Variants in AAGAB observed in about 807,000 individuals in gnomAD.
AAGAB encodes the protein alpha and gamma adaptin binding protein.
A neutral mutation model predicts 44.1 loss-of-function variants in AAGAB; 38 were observed. That is an observed-to-expected ratio of 0.86 (90% CI 0.67 to 1.13). The LOEUF is 1.13. Among genes scored for constraint, AAGAB ranks in the 50% most tolerant of loss-of-function variants. The pLI, the probability that AAGAB is intolerant of heterozygous loss-of-function variation, is 0.00. For missense variants in AAGAB, 450 were observed against 373.8 expected, an observed-to-expected ratio of 1.20 and a Z score of -1.68; for synonymous variants, 131 against 131.8, an observed-to-expected ratio of 0.99 and a Z score of 0.04.
chr15:67,215,701 ACT>A (rs1259135958), intron 5 of AAGAB, among the ~76,000 whole-genome samples: 6 of 152,210 alleles, frequency 3.9e-5, no homozygotes, highest in African/African-American at 7.2e-5. Context: ...ATCAAACCAC[ACT>A]GTTTGAATAA....
intron 4 of AAGAB, among the ~76,000 whole-genome samples, chr15:67,234,649 T>G (rs1212084761): frequency 6.6e-6 from 1 of 152,180 alleles, no homozygotes; most frequent in Non-Finnish European, 1.5e-5. Flanking sequence ...AAGAACATTA[T>G]TCAGACAAAG....
intron 5 of AAGAB, among the ~76,000 whole-genome samples, chr15:67,222,242 G>GCGCGCGCGCGCGCACACACACA (rs1367738219): frequency 8.9e-5 from 8 of 90,042 alleles, no homozygotes; most frequent in African/African-American, 3.0e-4. Context: ...GCGCGCGCGC[G>GCGCGCGCGCGCGCACACACACA]CACACACACA....
intron 5 of AAGAB, among the ~76,000 whole-genome samples, chr15:67,210,244 C>A (rs990084922): frequency 1.3e-5 from 2 of 152,130 alleles, no homozygotes; most frequent in African/African-American, 2.4e-5. Flanking sequence ...GGGCTGGGAG[C>A]GGTGGCTCAC....
intron 1 of AAGAB, among the ~76,000 whole-genome samples, chr15:67,248,150 T>C (rs750929658): frequency 2.6e-5 from 4 of 152,236 alleles, no homozygotes; most frequent in African/African-American, 7.2e-5. Flanking sequence ...CCTCTTTAGA[T>C]TGATGACAAC....
chr15:67,222,237 C>T lies in AAGAB; in HGVS notation c.535+9577G>A, dbSNP rs530612039. ...CTACATGCATGCACGCGCACGCGCG[C>T]GCGCGCACACACACACACACACACA... On this transcript the variant is annotated intron_variant, in intron 5 of 9. Coordinates refer to ENST00000261880, the MANE Select transcript of AAGAB (RefSeq NM_024666.5). Among the ~76,000 whole-genome samples, 320 of 71,516 alleles carry T rather than the reference C, an allele frequency of 4.5e-3. 1 individual carries two copies. The highest frequency in any genetic ancestry group is 0.014 in the African/African-American group (218 of 15,182). 46.9% of individuals were successfully genotyped at this position (71,516 alleles called of 152,430 possible). A position where few individuals can be genotyped will look rare whatever the true frequency, so the allele number is the denominator to read the frequency against.
chr15:67,253,623 G>A (rs969216842), intron 1 of AAGAB, among the ~76,000 whole-genome samples: 1 of 151,570 alleles, frequency 6.6e-6, no homozygotes, highest in African/African-American at 2.4e-5. Flanking sequence ...GGTTCGTGGT[G>A]TGAGCCTGCA....
At chr15:67,229,304 G>A (rs773564190) in intron 5 of AAGAB, among the ~76,000 whole-genome samples, 4 of 151,874 alleles carry the variant, frequency 2.6e-5, no homozygotes, top group African/African-American at 4.8e-5. Flanking sequence ...GTGGTGGTGC[G>A]CGCCTGTAAT....
intron 5 of AAGAB, among the ~76,000 whole-genome samples, chr15:67,211,651 A>G (rs1049115556): frequency 6.6e-6 from 1 of 152,206 alleles, no homozygotes. Flanking sequence ...TCTGAGTAAT[A>G]AACTACTTCT....
chr15:67,247,380 G>C (rs1229225809), intron 1 of AAGAB, among the ~76,000 whole-genome samples: 1 of 152,224 alleles, frequency 6.6e-6, no homozygotes, highest in Non-Finnish European at 1.5e-5. Context: ...TATTCCTAAA[G>C]AGAAAAGGCA....
intron 5 of AAGAB, among the ~76,000 whole-genome samples, chr15:67,228,340 T>C (rs1964252331): frequency 6.6e-6 from 1 of 152,226 alleles, no homozygotes; most frequent in African/African-American, 2.4e-5. Context: ...CTATGGTAAA[T>C]GCTCAACAAG....
intron 5 of AAGAB, among the ~76,000 whole-genome samples, chr15:67,216,322 G>A (rs1220817712): frequency 1.3e-5 from 2 of 151,112 alleles, no homozygotes; most frequent in African/African-American, 2.4e-5. Context: ...TGTGCCTGTA[G>A]TCCCAGCTAC....
chr15:67,227,218 CAATAT>C (rs1345446501), intron 5 of AAGAB, among the ~76,000 whole-genome samples: 2 of 152,000 alleles, frequency 1.3e-5, no homozygotes, highest in African/African-American at 2.4e-5. Context: ...TATAATTTCC[CAATAT>C]AATAATCCCA....
At chr15:67,252,158 C>T (rs919070880) in intron 1 of AAGAB, among the ~76,000 whole-genome samples, 28 of 152,320 alleles carry the variant, frequency 1.8e-4, no homozygotes, top group African/African-American at 6.5e-4. Context: ...TACAATGTTA[C>T]TATTTGCTAA....
chr15:67,248,359 A>C (rs1412480894), intron 1 of AAGAB, among the ~76,000 whole-genome samples: 1 of 152,224 alleles, frequency 6.6e-6, no homozygotes, highest in Non-Finnish European at 1.5e-5. Flanking sequence ...TTGCTGGCCC[A>C]ATCTTCCATT....
In AAGAB at chr15:67,202,681, ACT is replaced by A. The variant is rs1963594132; in HGVS notation, c.*138_*139del. 4.3e-6 allele frequency: 3 copies of A among 691,738 alleles called. No individual in the cohort carries two copies. In the South Asian group the frequency reaches 5.6e-5, roughly 13 times the overall value. 42.9% of individuals were successfully genotyped at this position (691,738 alleles called of 1,614,324 possible). ...ATTTCTCCTTAACCTCCTACTAAAA[ACT>A]AAAATTAAGGGGACCCTATAAACAA... is the stretch of plus-strand genomic sequence containing the variant. On this transcript the variant is annotated 3_prime_UTR_variant, in exon 10 of 10. Transcript: ENST00000261880.
intron 1 of AAGAB, among the ~76,000 whole-genome samples, chr15:67,246,300 G>C (rs28584231): frequency 6.6e-6 from 1 of 151,324 alleles, no homozygotes; most frequent in Non-Finnish European, 1.5e-5. Context: ...GCTGAGGCAG[G>C]AGAATCACTT....
chr15:67,250,592 A>T (rs1423114536), intron 1 of AAGAB, among the ~76,000 whole-genome samples: 2 of 152,198 alleles, frequency 1.3e-5, no homozygotes, highest in Admixed American at 6.5e-5. Flanking sequence ...TATTCATCAG[A>T]ATATACTTTT....
At chr15:67,248,804 T>G (rs1359720001) in intron 1 of AAGAB, among the ~76,000 whole-genome samples, 4 of 152,208 alleles carry the variant, frequency 2.6e-5, no homozygotes, top group Admixed American at 6.5e-5. Context: ...TTTCTGGTTT[T>G]GCAGTTTCAG....
chr15:67,228,821 G>A (rs1964265993), intron 5 of AAGAB, among the ~76,000 whole-genome samples: 1 of 152,152 alleles, frequency 6.6e-6, no homozygotes, highest in Non-Finnish European at 1.5e-5. Flanking sequence ...CATCTCCTTT[G>A]CAGCAACATG....
Sources: allele counts gnomAD v4.1 joint callset (sites outside exome capture counted in the v4.1 genomes callset), GRCh38; gene constraint gnomAD v4.1.1; transcripts MANE v1.5; gene names NCBI Gene and HGNC (gene_info 2026-07-23, HGNC 2026-07-21).